The following PDPK1 variants were observed in gnomAD, a reference collection of about 807,000 sequenced individuals.
The protein encoded by PDPK1 is 3-phosphoinositide dependent protein kinase 1, also known as 3-phosphoinositide-dependent protein kinase 1.
A neutral mutation model predicts 39.8 loss-of-function variants in PDPK1; 7 were observed. The observed-to-expected ratio is 0.18, with a 90% CI of 0.10 to 0.33. The LOEUF (loss-of-function observed/expected upper bound fraction) is 0.33. Among genes scored for constraint, PDPK1 ranks in the 10% least tolerant of loss-of-function variants. PDPK1 has a pLI of 1.00. For missense variants in PDPK1, 182 were observed against 384.7 expected (o/e 0.47, Z 4.41); for synonymous variants, 118 against 159.1 (o/e 0.74, Z 1.95).
At chr16:2,596,929 C>T (rs1180351725) in intron 12 of PDPK1, among the ~76,000 whole-genome samples, 194 bp from the exon 13 acceptor site, 2 of 152,152 alleles carry the variant, frequency 1.3e-5, no homozygotes, top group African/African-American at 4.8e-5. Context: ...CAGCAGAGGC[C>T]TGTGCTGCAT....
intron 1 of PDPK1, among the ~76,000 whole-genome samples, chr16:2,552,518 T>C (rs1597028207): frequency 1.3e-5 from 2 of 149,428 alleles, no homozygotes; most frequent in Non-Finnish European, 3.0e-5. Flanking sequence ...CTGTGGAAAG[T>C]AGCAACAGGA....
rs528781938 is a variant in PDPK1, at chr16:2,552,395, A to G, written c.25-5308A>G. ...AAAATTCTCAGAAAATGCCCAGTTT[A>G]CCCATGGGCTACATTTTTACAAGTT... On this transcript the variant is annotated intron_variant, in intron 1 of 13. Transcript: ENST00000342085. Among the ~76,000 whole-genome samples the G allele has an allele frequency of 2.0e-5, 3 of 151,596 alleles. No individual in the cohort carries two copies. The South Asian group carries it at 6.3e-4, about 32-fold the overall frequency.
intron 10 of PDPK1, among the ~76,000 whole-genome samples, chr16:2,586,118 G>A (rs777103455): frequency 2.0e-5 from 3 of 152,228 alleles, no homozygotes; most frequent in Non-Finnish European, 4.4e-5. Context: ...AACAGGCAGC[G>A]TTATCTACAG....
chr16:2,544,225 A>G (rs2066293620), intron 1 of PDPK1, among the ~76,000 whole-genome samples: 1 of 152,150 alleles, frequency 6.6e-6, no homozygotes, highest in Admixed American at 6.5e-5. Flanking sequence ...AAGTGTTTCT[A>G]CCTGAAGAGA....
At chr16:2,544,191 G>A (rs545894024) in intron 1 of PDPK1, among the ~76,000 whole-genome samples, 2 of 152,316 alleles carry the variant, frequency 1.3e-5, no homozygotes, top group South Asian at 2.1e-4. Context: ...CAGACTGTAT[G>A]TACTCTCCTG....
intron 10 of PDPK1, 133 bp from the exon 11 acceptor site, chr16:2,586,543 C>A: frequency 1.4e-6 from 1 of 701,110 alleles, no homozygotes; most frequent in Non-Finnish European, 2.5e-6. Flanking sequence ...ATCAGGGCTG[C>A]CCACCCTGTC....
In PDPK1 at chr16:2,599,140, TAG is replaced by T. The variant is rs1388374529; in HGVS notation, c.*1378_*1379del. The stretch of plus-strand genomic sequence containing the variant: ...GTCCTTTGCCTAGCTACTCCCCAGG[TAG>T]AGAGTGCTCCTGGTGGCCTGGCAGG... On this transcript the variant is annotated 3_prime_UTR_variant, in exon 14 of 14. Transcript: ENST00000342085. The T allele has an allele frequency of 1.7e-5, 4 of 233,276 alleles. No homozygotes were observed. The highest frequency in any genetic ancestry group is 3.4e-5 in the Non-Finnish European group (4 of 118,138). The allele number at this position is 233,276 out of a possible 1,614,324, so 14.5% of individuals were successfully genotyped here. A position where few individuals can be genotyped will look rare whatever the true frequency, so the allele number is the denominator to read the frequency against.
chr16:2,588,378 G>A (rs952056713), intron 11 of PDPK1, among the ~76,000 whole-genome samples: 10 of 152,164 alleles, frequency 6.6e-5, no homozygotes, highest in Non-Finnish European at 1.3e-4. Context: ...GGAGCTTCCC[G>A]GGCTCGTGTG....
rs889420998 is a variant in PDPK1 at position 2,558,689 on chromosome 16, G to A, written c.285+726G>A. Reference sequence around the variant, plus strand: ...AGGGGAGGCCTGAGCAACTCGGGGTGTACTGTCTCCATCTGGGCCTCTAAA... The same window carrying A: ...AGGGGAGGCCTGAGCAACTCGGGGTATACTGTCTCCATCTGGGCCTCTAAA... On this transcript the variant is annotated intron_variant, in intron 2 of 13. Coordinates refer to ENST00000342085, the MANE Select transcript of PDPK1 (RefSeq NM_002613.5). Among the ~76,000 whole-genome samples, 6 of 148,192 alleles carry A rather than the reference G, an allele frequency of 4.0e-5. No individual in the cohort carries two copies. The East Asian group carries it at 1.2e-3, about 29-fold the overall frequency.
At chr16:2,541,556 G>A (rs935918704) in intron 1 of PDPK1, among the ~76,000 whole-genome samples, 9 of 152,144 alleles carry the variant, frequency 5.9e-5, no homozygotes, top group African/African-American at 2.2e-4. Context: ...AGAAGCCCTG[G>A]GTGCAGAAAC....
At chr16:2,591,568 G>A (rs1215422395) in intron 11 of PDPK1, among the ~76,000 whole-genome samples, 1 of 152,224 alleles carries the variant, frequency 6.6e-6, no homozygotes, top group East Asian at 1.9e-4. Context: ...AGTGACTCCA[G>A]TCTCTAAAAA....
Position 2,602,681 on chromosome 16 carries a change from A to G in PDPK1, c.*4914A>G, listed in dbSNP as rs936887969. ...CTGTTCCTTCACAACATAAAATAGG[A>G]TAAATGACTAGTACGTCTTTCAGGT... On this transcript the variant is annotated 3_prime_UTR_variant, in exon 14 of 14. Coordinates refer to ENST00000342085, the MANE Select transcript of PDPK1 (RefSeq NM_002613.5). 6 of 234,742 alleles carry G rather than the reference A, an allele frequency of 2.6e-5. No homozygotes were observed. The highest frequency in any genetic ancestry group is 1.3e-4 in the African/African-American group (6 of 45,356). 14.5% of individuals were successfully genotyped at this position (234,742 alleles called of 1,614,324 possible).
At position 2,587,098 on chromosome 16, in the gene PDPK1, G is replaced by A. The variant is rs1030929964; in HGVS notation, c.1343+205G>A. Among the ~76,000 whole-genome samples, 5 of 152,358 alleles carry A rather than the reference G, an allele frequency of 3.3e-5. No individual in the cohort carries two copies. The South Asian group carries it at 8.3e-4, about 25-fold the overall frequency. On this transcript the variant is annotated intron_variant, in intron 11 of 13. Coordinates refer to ENST00000342085, the MANE Select transcript of PDPK1 (RefSeq NM_002613.5). ...GCTGAGTGGGTTGTGACCGCCGGGC[G>A]CTCCCCTCCTCTGCCGGGCATTTGG...
chr16:2,595,707 A>C, intron 11 of PDPK1, 86 bp from the exon 12 acceptor site: 2 of 1,060,320 alleles, frequency 1.9e-6, no homozygotes, highest in Non-Finnish European at 3.0e-6. Flanking sequence ...GGCCGAGGCT[A>C]TGGGGAGTTC....
chr16:2,593,178 G>T lies in PDPK1; in HGVS notation c.1344-2615G>T. The T allele has an allele frequency of 2.3e-6, 1 of 442,214 alleles. No homozygotes were observed. Among genetic ancestry groups the T allele is most frequent in the Non-Finnish European group, 4.5e-6 (1 of 221,710 alleles). 27.4% of individuals were successfully genotyped at this position (442,214 alleles called of 1,614,324 possible). A position where few individuals can be genotyped will look rare whatever the true frequency, so the allele number is the denominator to read the frequency against. Reference sequence around the variant, plus strand: ...TGTGGCATGCCCAGATGATCAGGGTGGAGCGGCCCAGCTCAATGTCTTCAT... The same window carrying T: ...TGTGGCATGCCCAGATGATCAGGGTTGAGCGGCCCAGCTCAATGTCTTCAT... On this transcript the variant is annotated intron_variant, in intron 11 of 13. Coordinates refer to ENST00000342085, the MANE Select transcript of PDPK1 (RefSeq NM_002613.5). The surrounding 1 kb of genome is among the most constrained non-coding windows in gnomAD (Gnocchi z 4.2).
chr16:2,603,163 T>C lies in PDPK1; in HGVS notation c.*5396T>C, dbSNP rs1358710808. 4.6e-6 allele frequency: 1 copy of C among 218,826 alleles called. No homozygotes were observed. The highest frequency in any genetic ancestry group is 2.2e-5 in the African/African-American group (1 of 44,508). 13.6% of individuals were successfully genotyped at this position (218,826 alleles called of 1,614,324 possible). Reference sequence around the variant, plus strand: ...AATTTTCCTCGTATGGTCAGTAGTCTTGTAATAAAAAGCATGTAGAGTGTA... The same window carrying C: ...AATTTTCCTCGTATGGTCAGTAGTCCTGTAATAAAAAGCATGTAGAGTGTA... On this transcript the variant is annotated 3_prime_UTR_variant, in exon 14 of 14. Transcript: ENST00000342085.
At position 2,598,415 on chromosome 16, in the gene PDPK1, G is replaced by T. The variant is rs572787105; in HGVS notation, c.*648G>T. 11 of 234,668 alleles carry T rather than the reference G, an allele frequency of 4.7e-5. No homozygotes were observed. The East Asian group carries it at 5.4e-4, about 12-fold the overall frequency. The allele number at this position is 234,668 out of a possible 1,614,324, so 14.5% of individuals were successfully genotyped here. ...CTGCTGTGTTGGCAGGCAGGTTTGCGTGGTGAGGAGCGGGAGGGGTTGGAG... is the reference window on the plus strand; with the variant it reads ...CTGCTGTGTTGGCAGGCAGGTTTGCTTGGTGAGGAGCGGGAGGGGTTGGAG... On this transcript the variant is annotated 3_prime_UTR_variant, in exon 14 of 14. Transcript: ENST00000342085.
At chr16:2,596,087 G>A (rs867790874) in intron 12 of PDPK1, among the ~76,000 whole-genome samples, 2 of 152,218 alleles carry the variant, frequency 1.3e-5, no homozygotes, top group Non-Finnish European at 2.9e-5. Flanking sequence ...GGGAGCCTGG[G>A]GCTGCCTGTT....
intron 1 of PDPK1, among the ~76,000 whole-genome samples, chr16:2,546,011 C>T (rs1375637085): frequency 2.0e-5 from 3 of 152,148 alleles, no homozygotes; most frequent in Non-Finnish European, 4.4e-5. Context: ...GGATTTGTCT[C>T]ATTGTTTCCT....
Sources: allele counts gnomAD v4.1 joint callset (sites outside exome capture counted in the v4.1 genomes callset), GRCh38; gene constraint gnomAD v4.1.1; non-coding constraint Gnocchi (gnomAD v3.1); transcripts MANE v1.5; gene names NCBI Gene and HGNC (gene_info 2026-07-23, HGNC 2026-07-21).